IRGQ: variants seen among roughly 807,000 people sequenced by gnomAD.
IRGQ encodes the protein immunity-related GTPase family Q protein.
A neutral mutation model predicts 10.5 loss-of-function variants in IRGQ; 5 were observed. The observed-to-expected ratio is 0.48, with a 90% CI of 0.25 to 1.00. The LOEUF is 1.00. IRGQ is among the 50% of genes least tolerant of loss of function. The pLI is 0.16. For synonymous variants in IRGQ, 418 were observed against 426.0 expected (o/e 0.98, Z 0.23); for missense variants, 792 against 877.7 (o/e 0.90, Z 1.23).
Position 43,592,840 on chromosome 19 carries a change from C to T in IRGQ, c.1058G>A (p.Ser353Asn). The change falls in exon 3 of 3, where the codon AGC becomes AAC. Residue 353 changes from serine (S) to asparagine (N), a missense_variant. Transcript: ENST00000422989. The stretch of plus-strand genomic sequence containing the variant: ...TCCCCCTCCACCTGCGTTCTTTAAG[C>T]TCTCGCCCTTGGGATTCTCCATCTT... ...EGKMENPKGE[S>N]LKNAGGGGLE... The T allele has an allele frequency of 6.2e-7, 1 of 1,614,052 alleles. No homozygotes were observed. The highest frequency in any genetic ancestry group is 8.5e-7 in the Non-Finnish European group (1 of 1,180,036).
rs1973053364 is a variant in IRGQ at position 43,591,491 on chromosome 19, T to C, written c.*535A>G. ...CAAAGACATAGTCCCTGCTAGAGTC[T>C]GGGCCACCAACTCCCTTCAGGACAG... On this transcript the variant is annotated 3_prime_UTR_variant, in exon 3 of 3. Coordinates refer to ENST00000422989, the MANE Select transcript of IRGQ (RefSeq NM_001007561.3). 6.6e-6 allele frequency: 1 copy of C among 152,382 alleles called. No individual in the cohort carries two copies. The highest frequency in any genetic ancestry group is 6.5e-5 in the Admixed American group (1 of 15,288). 9.4% of individuals were successfully genotyped at this position (152,382 alleles called of 1,614,324 possible).
In IRGQ at chr19:43,590,207, A is replaced by G. The variant is rs988860433; in HGVS notation, c.*1819T>C. 1 of 152,382 alleles carries G rather than the reference A, an allele frequency of 6.6e-6. No homozygotes were observed. The allele number at this position is 152,382 out of a possible 1,614,324, so 9.4% of individuals were successfully genotyped here. The stretch of plus-strand genomic sequence containing the variant: ...ACAAGGTGAGACTCCATTTCAAAAA[A>G]AAAAAGAAGGAAAGTCTATCAGGCT... On this transcript the variant is annotated 3_prime_UTR_variant, in exon 3 of 3. Transcript: ENST00000422989.
rs1417478803 is a variant in IRGQ at position 43,588,059 on chromosome 19, G to A, written c.*3967C>T. The A allele has an allele frequency of 6.6e-6, 1 of 152,228 alleles. No individual in the cohort carries two copies. Among genetic ancestry groups the A allele is most frequent in the East Asian group, 1.9e-4 (1 of 5,196 alleles). The allele number at this position is 152,228 out of a possible 1,614,324, so 9.4% of individuals were successfully genotyped here. A position where few individuals can be genotyped will look rare whatever the true frequency, so the allele number is the denominator to read the frequency against. On this transcript the variant is annotated 3_prime_UTR_variant, in exon 3 of 3. Transcript: ENST00000422989. ...CTTGGCTTACTCAGCACTTTGGGAG[G>A]CTGAGGTGGGCAGATAACTTGAGGC...
chr19:43,592,296 C>T lies in IRGQ; in HGVS notation c.1602G>A (p.Leu534=). Residue 534 remains leucine (L), a synonymous_variant, in exon 3 of 3, where the codon CTG becomes CTA. Transcript: ENST00000422989. ...CTGCCAGCTCTCCAGAAGCCAGGCC[C>T]AGGGCACGCTCACGTCGAGCCAGTG... ...PTALARRERA[L]GLASGELAAR... 1 of 1,568,264 alleles carries T rather than the reference C, an allele frequency of 6.4e-7. No homozygotes were observed. The highest frequency in any genetic ancestry group is 8.6e-7 in the Non-Finnish European group (1 of 1,165,696).
In IRGQ at chr19:43,588,596, G is replaced by T. The variant is rs1973020957; in HGVS notation, c.*3430C>A. On this transcript the variant is annotated 3_prime_UTR_variant, in exon 3 of 3. Transcript: ENST00000422989. ...TAGCCAGGCATGGTGGCATATGCCTGTAATCCCAGCTACTCAGGAGGCTGA... is the reference window on the plus strand; with the variant it reads ...TAGCCAGGCATGGTGGCATATGCCTTTAATCCCAGCTACTCAGGAGGCTGA... 6.6e-6 allele frequency: 1 copy of T among 152,014 alleles called. No homozygotes were observed. The highest frequency in any genetic ancestry group is 1.5e-5 in the Non-Finnish European group (1 of 68,036). The allele number at this position is 152,014 out of a possible 1,614,324, so 9.4% of individuals were successfully genotyped here. A position where few individuals can be genotyped will look rare whatever the true frequency, so the allele number is the denominator to read the frequency against.
chr19:43,594,683 A>T (rs304727), intron 2 of IRGQ, 126 bp downstream of exon 2: 406,146 of 638,372 alleles, frequency 0.64, 128,130 homozygotes, highest in African/African-American at 0.68. Context: ...AAAAAAAAAA[A>T]AATAATAATA....
Position 43,593,504 on chromosome 19 carries a change from T to C in IRGQ, c.531-137A>G, listed in dbSNP as rs1973090284. ...GTAGGAAAGGGAAGGGCCAGACTGA[T>C]GGCACAGCAAATAGAAACCAGATAG... On this transcript the variant is annotated intron_variant, in intron 2 of 2. Coordinates refer to ENST00000422989, the MANE Select transcript of IRGQ (RefSeq NM_001007561.3). This position sits in a 1 kb window ranked among gnomAD's most constrained non-coding sequence, Gnocchi z 6.4. 2.6e-6 allele frequency: 2 copies of C among 783,738 alleles called. No individual in the cohort carries two copies. The highest frequency in any genetic ancestry group is 3.6e-6 in the Non-Finnish European group (2 of 554,558). 48.5% of individuals were successfully genotyped at this position (783,738 alleles called of 1,614,324 possible). A position where few individuals can be genotyped will look rare whatever the true frequency, so the allele number is the denominator to read the frequency against.
rs866050596 is a variant in IRGQ at position 43,589,903 on chromosome 19, T to G, written c.*2123A>C. 23 of 151,916 alleles carry G rather than the reference T, an allele frequency of 1.5e-4. No homozygotes were observed. The highest frequency in any genetic ancestry group is 4.8e-4 in the African/African-American group (20 of 41,300). 9.4% of individuals were successfully genotyped at this position (151,916 alleles called of 1,614,324 possible). ...GAACAGGAAGTTGTGAGTAGAGCCT[T>G]GAAGGAAAGAGAACAGCAGGTGCAT... is the stretch of plus-strand genomic sequence containing the variant. On this transcript the variant is annotated 3_prime_UTR_variant, in exon 3 of 3. Transcript: ENST00000422989.
Position 43,594,919 on chromosome 19 carries a change from T to C in IRGQ, c.420A>G (p.Leu140=), listed in dbSNP as rs756470773. 3.1e-5 allele frequency: 50 copies of C among 1,614,038 alleles called. No individual in the cohort carries two copies. Among genetic ancestry groups the C allele is most frequent in the Non-Finnish European group, 3.9e-5 (46 of 1,179,946 alleles). ...QTAALLNSAG[L]GAADLFVLPA... is the part of the protein sequence containing the mutation. ...GTAGCACAAACAGATCCGCAGCTCC[T>C]AACCCCGCGCTGTTCAGCAGAGCTG... is the stretch of plus-strand genomic sequence containing the variant. The change falls in exon 2 of 3, where the codon TTA becomes TTG. Residue 140 remains leucine, a synonymous_variant. Coordinates refer to ENST00000422989, the MANE Select transcript of IRGQ (RefSeq NM_001007561.3).
chr19:43,595,083 C>A lies in IRGQ; in HGVS notation c.256G>T (p.Glu86Ter), dbSNP rs371293188. 3.1e-6 allele frequency: 5 copies of A among 1,611,500 alleles called. No individual in the cohort carries two copies. Among genetic ancestry groups the A allele is most frequent in the Non-Finnish European group, 3.4e-6 (4 of 1,178,992 alleles). The change falls in exon 2 of 3, where the codon GAG becomes TAG. Residue 86 changes from glutamate (E) to a stop codon, truncating the protein, a stop_gained. Coordinates refer to ENST00000422989, the MANE Select transcript of IRGQ (RefSeq NM_001007561.3). LOFTEE classifies it high-confidence loss of function. ...NVLVLVLPGP[E>*]GNGEPLAPAL... is the part of the protein sequence containing the mutation. ...GGAGCCAACGGTTCCCCGTTCCCCT[C>A]GGGTCCGGGCAGCACCAGTACCAGC...
chr19:43,591,530 T>G lies in IRGQ; in HGVS notation c.*496A>C, dbSNP rs1410570897. The G allele has an allele frequency of 1.3e-5, 2 of 153,554 alleles. No homozygotes were observed. The highest frequency in any genetic ancestry group is 2.9e-5 in the Non-Finnish European group (2 of 69,030). The allele number at this position is 153,554 out of a possible 1,614,324, so 9.5% of individuals were successfully genotyped here. A position where few individuals can be genotyped will look rare whatever the true frequency, so the allele number is the denominator to read the frequency against. On this transcript the variant is annotated 3_prime_UTR_variant, in exon 3 of 3. Coordinates refer to ENST00000422989, the MANE Select transcript of IRGQ (RefSeq NM_001007561.3). ...CCTTCAGGACAGAAGGGTCTAGATGTCATTCACCATGGTTCCCAAAGGTAT... is the reference window on the plus strand; with the variant it reads ...CCTTCAGGACAGAAGGGTCTAGATGGCATTCACCATGGTTCCCAAAGGTAT...
rs201590682 is a variant in IRGQ at position 43,593,186 on chromosome 19, C to T, written c.712G>A (p.Val238Met). The T allele has an allele frequency of 6.4e-7, 1 of 1,566,772 alleles. No individual in the cohort carries two copies. Among genetic ancestry groups the T allele is most frequent in the Admixed American group, 1.9e-5 (1 of 53,632 alleles). The change falls in exon 3 of 3, where the codon GTG (valine) becomes ATG (methionine). Residue 238 changes from valine to methionine, a missense_variant. Transcript: ENST00000422989. This position sits in a 1 kb window ranked among gnomAD's most constrained non-coding sequence, Gnocchi z 6.4. ...TCCAATCCAAGCAGCATGTCCACCA[C>T]AAGGCCCACGTCAGCCTTGCCAGCC... The part of the protein sequence containing the change: ...AVAGKADVGL[V>M]VDMLLGLDPG...
rs964633448 is a variant in IRGQ at position 43,591,753 on chromosome 19, C to A, written c.*273G>T. On this transcript the variant is annotated 3_prime_UTR_variant, in exon 3 of 3. Transcript: ENST00000422989. ...ATCCCAGCTACTCCGGACGCTGAGGCAGGAGAATCGCTTGAACCCGGGAGG... is the reference window on the plus strand; with the variant it reads ...ATCCCAGCTACTCCGGACGCTGAGGAAGGAGAATCGCTTGAACCCGGGAGG... 6.2e-6 allele frequency: 2 copies of A among 320,726 alleles called. No homozygotes were observed. Among genetic ancestry groups the A allele is most frequent in the Non-Finnish European group, 1.1e-5 (2 of 177,072 alleles). The allele number at this position is 320,726 out of a possible 1,614,324, so 19.9% of individuals were successfully genotyped here.
Position 43,593,165 on chromosome 19 carries a change from A to T in IRGQ, c.733T>A (p.Leu245Met). Residue 245 changes from leucine (L) to methionine (M), a missense_variant, in exon 3 of 3, where the codon TTG becomes ATG. By Grantham distance (15) the Leu-to-Met change is conservative. Coordinates refer to ENST00000422989, the MANE Select transcript of IRGQ (RefSeq NM_001007561.3). The surrounding 1 kb of genome is among the most constrained non-coding windows in gnomAD (Gnocchi z 6.4). ...VGLVVDMLLG[L>M]DPGDPGAAPA... ...GCAGCGCCTGGGTCGCCAGGATCCA[A>T]TCCAAGCAGCATGTCCACCACAAGG... 6.4e-7 allele frequency: 1 copy of T among 1,561,660 alleles called. No individual in the cohort carries two copies. The highest frequency in any genetic ancestry group is 8.7e-7 in the Non-Finnish European group (1 of 1,151,092).
chr19:43,595,901 CA>C (rs1366440105), intron 1 of IRGQ, 80 bp downstream of exon 1: 1 of 152,300 alleles, frequency 6.6e-6, no homozygotes, highest in Non-Finnish European at 1.5e-5. Context: ...AATAAAACCT[CA>C]GAAATCTGGC....
Position 43,592,073 on chromosome 19 carries a change from G to C in IRGQ, c.1825C>G (p.Arg609Gly). ...GVLLQALDEM[R>G]ADAEAVLAPP... ...GCCAGCACAGCCTCAGCATCAGCCC[G>C]CATCTCATCGAGAGCCTGCAGCAGG... is the stretch of plus-strand genomic sequence containing the variant. The change falls in exon 3 of 3, where the codon CGG (arginine) becomes GGG (glycine). Residue 609 changes from arginine to glycine, a missense_variant. Arg to Gly is a moderately radical substitution (Grantham distance 125). Coordinates refer to ENST00000422989, the MANE Select transcript of IRGQ (RefSeq NM_001007561.3). The C allele has an allele frequency of 6.2e-7, 1 of 1,612,214 alleles. No individual in the cohort carries two copies. The highest frequency in any genetic ancestry group is 8.5e-7 in the Non-Finnish European group (1 of 1,179,556).
chr19:43,594,800 G>T lies in IRGQ; in HGVS notation c.530+9C>A, dbSNP rs773250987. On this transcript the variant is annotated intron_variant, in intron 2 of 2. Coordinates refer to ENST00000422989, the MANE Select transcript of IRGQ (RefSeq NM_001007561.3). ...GACTAACGGACCCAGCCAGAAAGCC[G>T]GCACTCACCTCCGCAGCGCTTCTGC... The T allele has an allele frequency of 2.3e-5, 37 of 1,588,906 alleles. No homozygotes were observed. Among genetic ancestry groups the T allele is most frequent in the Non-Finnish European group, 2.8e-5 (33 of 1,166,348 alleles).
Position 43,588,525 on chromosome 19 carries a change from C to T in IRGQ, c.*3501G>A, listed in dbSNP as rs1973020171. ...CCTGAGGTCAGTAGTTCCAGACCAG[C>T]CTGATCAACATGGTGAAACCCCATC... On this transcript the variant is annotated 3_prime_UTR_variant, in exon 3 of 3. Transcript: ENST00000422989. 1 of 152,282 alleles carries T rather than the reference C, an allele frequency of 6.6e-6. No individual in the cohort carries two copies. The highest frequency in any genetic ancestry group is 2.4e-5 in the African/African-American group (1 of 41,458). The allele number at this position is 152,282 out of a possible 1,614,324, so 9.4% of individuals were successfully genotyped here. A position where few individuals can be genotyped will look rare whatever the true frequency, so the allele number is the denominator to read the frequency against.
In IRGQ at chr19:43,592,504, G is replaced by C. The variant is rs1973071802; in HGVS notation, c.1394C>G (p.Ala465Gly). Reference protein sequence around the residue: ...AGALLLALPPASPSAARTKAA... With the variant: ...AGALLLALPPGSPSAARTKAA... Reference sequence around the variant, plus strand: ...CTTGGTTCGGGCAGCGCTGGGAGATGCTGGTGGCAACGCCAGCAGCAGTGC... The same window carrying C: ...CTTGGTTCGGGCAGCGCTGGGAGATCCTGGTGGCAACGCCAGCAGCAGTGC... Residue 465 changes from alanine (A) to glycine (G), a missense_variant, in exon 3 of 3, where the codon GCA (alanine) becomes GGA (glycine). Physicochemically the swap from Ala to Gly is moderately conservative, Grantham distance 60. Coordinates refer to ENST00000422989, the MANE Select transcript of IRGQ (RefSeq NM_001007561.3). 6.3e-7 allele frequency: 1 copy of C among 1,594,990 alleles called. No homozygotes were observed.
Sources: allele counts gnomAD v4.1 joint callset, GRCh38; gene constraint gnomAD v4.1.1; non-coding constraint Gnocchi (gnomAD v3.1); transcripts MANE v1.5; gene names NCBI Gene and HGNC (gene_info 2026-07-23, HGNC 2026-07-21).